Variants in OTOG observed in about 807,000 individuals in gnomAD.
The protein encoded by OTOG is otogelin.
Under a neutral mutation model 313.8 loss-of-function variants are expected in OTOG, and 296 were observed. The ratio of observed to expected loss-of-function variants is 0.94; its 90% CI spans 0.86 to 1.04. The LOEUF (loss-of-function observed/expected upper bound fraction) is 1.04, where lower values mean the gene tolerates loss of function less well. OTOG is among the 50% of genes least tolerant of loss of function. The pLI is 0.00. For synonymous variants in OTOG, 1,533 were observed against 1,554.9 expected, an observed-to-expected ratio of 0.99 and a Z score of 0.33; for missense variants, 3,948 against 3,840.1, an observed-to-expected ratio of 1.03 and a Z score of -0.74.
In OTOG at chr11:17,610,570, C is replaced by T. The variant is rs1158129760; in HGVS notation, c.5270C>T (p.Thr1757Ile). The T allele has an allele frequency of 2.6e-6, 4 of 1,550,602 alleles. No homozygotes were observed. Among genetic ancestry groups the T allele is most frequent in the Non-Finnish European group, 3.5e-6 (4 of 1,146,938 alleles). ...CCACCCCGCCCAGCCCAGCATACCA[C>T]CATGGCCACCAGGTCTCCAGCTCTG... ...SAPPRPAQHT[T>I]MATRSPALPP... The change falls in exon 36 of 56, where the codon ACC becomes ATC. Residue 1757 changes from threonine (T) to isoleucine (I), a missense_variant. Coordinates refer to ENST00000399397, the MANE Select transcript of OTOG (RefSeq NM_001292063.2).
Position 17,610,718 on chromosome 11 carries a change from C to G in OTOG, c.5418C>G (p.Thr1806=), listed in dbSNP as rs1486831492. 3 of 1,550,276 alleles carry G rather than the reference C, an allele frequency of 1.9e-6. No homozygotes were observed. The African/African-American group carries it at 4.1e-5, about 21-fold the overall frequency. Residue 1806 remains threonine, a synonymous_variant, in exon 36 of 56, where the codon ACC becomes ACG. Coordinates refer to ENST00000399397, the MANE Select transcript of OTOG (RefSeq NM_001292063.2). ...SQLLSGLPPD[T]SLPLAKVGTS... ...TCCTCTCTGGCCTGCCTCCCGACACCAGCCTGCCCCTGGCCAAGGTGGGCA... is the reference window on the plus strand; with the variant it reads ...TCCTCTCTGGCCTGCCTCCCGACACGAGCCTGCCCCTGGCCAAGGTGGGCA...
Position 17,612,267 on chromosome 11 carries a change from G to A in OTOG, c.6229G>A (p.Gly2077Arg). The part of the protein sequence containing the change: ...CPQGAAPPRC[G>R]ILGLAVRVGG... ...CCAGGGTGCTGCTCCCCCTCGCTGT[G>A]GGATCCTGGGCCTCGCCGTGCGGGT... Residue 2077 changes from glycine (G) to arginine (R), a missense_variant, in exon 37 of 56, where the codon GGG (glycine) becomes AGG (arginine). Transcript: ENST00000399397. 1.3e-6 allele frequency: 2 copies of A among 1,545,740 alleles called. No homozygotes were observed. Among genetic ancestry groups the A allele is most frequent in the Non-Finnish European group, 8.7e-7 (1 of 1,146,928 alleles).
At position 17,631,692 on chromosome 11, in the gene OTOG, C is replaced by G. The variant is rs1343036739; in HGVS notation, c.6713-10C>G. 1 of 1,546,708 alleles carries G rather than the reference C, an allele frequency of 6.5e-7. No homozygotes were observed. Among genetic ancestry groups the G allele is most frequent in the East Asian group, 2.4e-5 (1 of 40,842 alleles). ...GATCGTGGCTGTTGGGATTGTTTGG[C>G]CCCTTTCAGGTATCTGTGATGGAGA... is the stretch of plus-strand genomic sequence containing the variant. On this transcript the variant is annotated splice_polypyrimidine_tract_variant and intron_variant, in intron 40 of 55. Transcript: ENST00000399397.
intron 49 of OTOG, among the ~76,000 whole-genome samples, chr11:17,639,815 G>A (rs908948674): frequency 1.3e-5 from 2 of 151,820 alleles, no homozygotes; most frequent in African/African-American, 4.8e-5. Flanking sequence ...ATGCAATGAT[G>A]GTGGTGGTGG....
At chr11:17,596,811 G>A in intron 29 of OTOG, 40 bp from the exon 30 acceptor site, 1 of 1,518,994 alleles carries the variant, frequency 6.6e-7, no homozygotes, top group Non-Finnish European at 8.9e-7. Context: ...TCTGACATTT[G>A]GGATCTGTCC....
intron 19 of OTOG, 37 bp downstream of exon 19, chr11:17,573,327 G>C: frequency 6.7e-7 from 1 of 1,486,762 alleles, no homozygotes; most frequent in Non-Finnish European, 9.0e-7. Flanking sequence ...AGCTGGAGGA[G>C]CCAGAGCTCC....
chr11:17,548,533 C>G (rs937263517), intron 3 of OTOG, among the ~76,000 whole-genome samples: 1 of 139,514 alleles, frequency 7.2e-6, no homozygotes. Context: ...GAAAGATGGA[C>G]GTTTAGAAGA....
chr11:17,635,125 G>A lies in OTOG; in HGVS notation c.7631G>A (p.Arg2544Gln), dbSNP rs76461792. 6,358 of 1,549,308 alleles carry A rather than the reference G, an allele frequency of 4.1e-3. 20 individuals carry two copies. Among genetic ancestry groups the A allele is most frequent in the Non-Finnish European group, 4.9e-3 (5,617 of 1,146,706 alleles). The change falls in exon 46 of 56, where the codon CGA becomes CAA. Residue 2544 changes from arginine (R) to glutamine (Q), a missense_variant. Physicochemically the swap from Arg to Gln is conservative, Grantham distance 43. Coordinates refer to ENST00000399397, the MANE Select transcript of OTOG (RefSeq NM_001292063.2). ...LCEAELVPSCRQDQILITGRL... is the reference protein window; with the variant it reads ...LCEAELVPSCQQDQILITGRL... Reference sequence around the variant, plus strand: ...GAGGCAGAGCTGGTCCCCAGCTGCCGACAGGACCAGATCCTGATCACGGGC... The same window carrying A: ...GAGGCAGAGCTGGTCCCCAGCTGCCAACAGGACCAGATCCTGATCACGGGC...
At position 17,557,359 on chromosome 11, in the gene OTOG, G is replaced by A. The variant is rs1372417831; in HGVS notation, c.865+36G>A. On this transcript the variant is annotated intron_variant, in intron 8 of 55. Coordinates refer to ENST00000399397, the MANE Select transcript of OTOG (RefSeq NM_001292063.2). Reference sequence around the variant, plus strand: ...GACAGGTGGCCTCTGAGGGGTGTTGGTGGGGATGGGGGACAGGTCAGGCTG... The same window carrying A: ...GACAGGTGGCCTCTGAGGGGTGTTGATGGGGATGGGGGACAGGTCAGGCTG... The A allele has an allele frequency of 2.6e-6, 4 of 1,543,126 alleles. No homozygotes were observed. In the South Asian group the frequency reaches 4.8e-5, roughly 18 times the overall value.
chr11:17,641,761 TG>T (rs961358997), intron 51 of OTOG, 85 bp from the exon 52 acceptor site: 36 of 984,452 alleles, frequency 3.7e-5, no homozygotes, highest in African/African-American at 2.8e-4. Flanking sequence ...TTCCAGGCTC[TG>T]GGATCCCTCA....
rs571707259 is a variant in OTOG at position 17,589,405 on chromosome 11, C to T, written c.2868-2045C>T. Among the ~76,000 whole-genome samples, 83 of 152,250 alleles carry T rather than the reference C, an allele frequency of 5.5e-4. 2 individuals are homozygous for T. The South Asian group carries it at 0.01, about 19-fold the overall frequency. Reference sequence around the variant, plus strand: ...GGAAATTAAAGCCATGAGAAGAGAACTTTCCAGGCTCTGTACCCATGTATT... The same window carrying T: ...GGAAATTAAAGCCATGAGAAGAGAATTTTCCAGGCTCTGTACCCATGTATT... On this transcript the variant is annotated intron_variant, in intron 24 of 55. Transcript: ENST00000399397.
intron 47 of OTOG, among the ~76,000 whole-genome samples, chr11:17,635,984 G>T (rs995612570): frequency 2.0e-5 from 3 of 152,200 alleles, no homozygotes; most frequent in African/African-American, 4.8e-5. Flanking sequence ...CAAATACTTG[G>T]GTCCCTCCAT....
At chr11:17,611,900 G>T (rs1214282277) in intron 36 of OTOG, among the ~76,000 whole-genome samples, 2 of 152,058 alleles carry the variant, frequency 1.3e-5, no homozygotes, top group Non-Finnish European at 2.9e-5. Flanking sequence ...GTGTATACAT[G>T]CCTGTGTACC....
chr11:17,557,092 C>G (rs1318649679), intron 7 of OTOG, 26 bp from the exon 8 acceptor site: 1 of 1,545,892 alleles, frequency 6.5e-7, no homozygotes, highest in South Asian at 1.2e-5. Flanking sequence ...TGTGGATACC[C>G]TGAAGCTCTG....
intron 46 of OTOG, 127 bp from the exon 47 acceptor site, chr11:17,635,483 C>T (rs1854242431): frequency 4.2e-6 from 3 of 722,388 alleles, no homozygotes; most frequent in Non-Finnish European, 2.4e-6. Flanking sequence ...TGAGACCATG[C>T]GATGCTGCCA....
chr11:17,603,592 G>A (rs937012253), intron 32 of OTOG, among the ~76,000 whole-genome samples: 2 of 152,140 alleles, frequency 1.3e-5, no homozygotes, highest in African/African-American at 4.8e-5. Context: ...GCCCAGTGGG[G>A]ACCCAAGCTC....
chr11:17,573,037 C>T (rs755159686), intron 18 of OTOG, 41 bp from the exon 19 acceptor site: 16 of 1,487,730 alleles, frequency 1.1e-5, no homozygotes, highest in African/African-American at 4.2e-5. Flanking sequence ...CCAGGTAGAC[C>T]GACTCCCCTG....
intron 23 of OTOG, among the ~76,000 whole-genome samples, chr11:17,583,691 G>A (rs896528551): frequency 1.3e-5 from 2 of 152,092 alleles, no homozygotes; most frequent in Non-Finnish European, 2.9e-5. Context: ...CTGTCTTCAT[G>A]CCAATATCCA....
chr11:17,612,725 T>A lies in OTOG; in HGVS notation c.6398T>A (p.Met2133Lys), dbSNP rs1425691749. The stretch of plus-strand genomic sequence containing the variant: ...ATCCTCAGCCAGAGCCCAGATGAAA[T>A]GCTCACCGTCCATGTACTGGACTGC... ...IYILSQSPDE[M>K]LTVHVLDCKS... The change falls in exon 38 of 56, where the codon ATG becomes AAG. Residue 2133 changes from methionine (M) to lysine (K), a missense_variant. Physicochemically the swap from Met to Lys is moderately conservative, Grantham distance 95. Coordinates refer to ENST00000399397, the MANE Select transcript of OTOG (RefSeq NM_001292063.2). The A allele has an allele frequency of 3.2e-6, 5 of 1,550,472 alleles. No homozygotes were observed. The African/African-American group carries it at 6.8e-5, about 21-fold the overall frequency.
Sources: gnomAD v4.1 joint callset for allele counts (sites outside exome capture counted in the v4.1 genomes callset) on GRCh38, gnomAD v4.1.1 for gene constraint, MANE v1.5 for transcripts, NCBI Gene and HGNC (gene_info 2026-07-23, HGNC 2026-07-21) for gene names.